LAMA4: variants seen among roughly 807,000 people sequenced by gnomAD.
The protein encoded by LAMA4 is laminin subunit alpha 4.
LAMA4 carries 127 observed loss-of-function variants against 207.1 expected under a neutral mutation model. The observed-to-expected ratio is 0.61, with a 90% CI of 0.53 to 0.71. The LOEUF (loss-of-function observed/expected upper bound fraction) is 0.71. Ranked by LOEUF, LAMA4 falls within the 30% of genes least tolerant of loss-of-function variation. The probability of loss-of-function intolerance (pLI) is 0.00; values close to 1 mark genes in which losing one functional copy is unlikely to be tolerated. For synonymous variants in LAMA4, 761 were observed against 816.0 expected, an observed-to-expected ratio of 0.93 and a Z score of 1.15; for missense variants, 2,093 against 2,246.5, an observed-to-expected ratio of 0.93 and a Z score of 1.38.
intron 8 of LAMA4, among the ~76,000 whole-genome samples, chr6:112,187,141 C>A (rs143348981): frequency 6.6e-6 from 1 of 152,192 alleles, no homozygotes; most frequent in East Asian, 1.9e-4. Flanking sequence ...TGTATGGCTG[C>A]GCCAAGGAAA....
rs1322345288 is a variant in LAMA4 at position 112,140,687 on chromosome 6, T to G, written c.2976+73A>C. The G allele has an allele frequency of 2.1e-6, 3 of 1,417,018 alleles. No homozygotes were observed. In the African/African-American group the frequency reaches 4.3e-5, roughly 20 times the overall value. The allele number at this position is 1,417,018 out of a possible 1,614,324, so 87.8% of individuals were successfully genotyped here. The stretch of plus-strand genomic sequence containing the variant: ...AGTGATATCAGCAACCCCCAAGTCA[T>G]TATAGGTTTATGGATTTATAAAAAC... On this transcript the variant is annotated intron_variant, in intron 22 of 38. Transcript: ENST00000230538.
chr6:112,152,179 G>A (rs1412324179), intron 16 of LAMA4, among the ~76,000 whole-genome samples: 1 of 152,034 alleles, frequency 6.6e-6, no homozygotes. Context: ...AAGTTCCAGA[G>A]TGCTTTCTTG....
intron 4 of LAMA4, 111 bp from the exon 5 acceptor site, chr6:112,201,799 C>T (rs1783763823): frequency 1.1e-6 from 1 of 884,890 alleles, no homozygotes; most frequent in African/African-American, 1.6e-5. Flanking sequence ...CTAATGGGTG[C>T]AATCATTTTC....
At chr6:112,224,924 A>C (rs1583941657) in intron 2 of LAMA4, among the ~76,000 whole-genome samples, 1 of 141,316 alleles carries the variant, frequency 7.1e-6, no homozygotes, top group African/African-American at 2.6e-5. Context: ...TCCCCTGCCT[A>C]CCTTTCTTTC....
intron 2 of LAMA4, among the ~76,000 whole-genome samples, chr6:112,241,191 GAATATATATGAT>G: frequency 8.4e-6 from 1 of 119,372 alleles, no homozygotes; most frequent in Non-Finnish European, 1.9e-5. Flanking sequence ...GAATATATAT[GAATATATATGAT>G]ATATATGAAT....
chr6:112,177,004 G>T lies in LAMA4; in HGVS notation c.1189+1117C>A, dbSNP rs1782061433. ...TATTTTCTCTGAATGGCTTACTAGG[G>T]TCCTGGCATTTGCTGCCTAAAGAGG... On this transcript the variant is annotated intron_variant, in intron 10 of 38. Transcript: ENST00000230538. Among the ~76,000 whole-genome samples, 3 of 152,142 alleles carry T rather than the reference G, an allele frequency of 2.0e-5. No homozygotes were observed. The South Asian group carries it at 6.2e-4, about 31-fold the overall frequency.
chr6:112,147,874 C>T (rs1488409134), intron 18 of LAMA4, among the ~76,000 whole-genome samples: 4 of 152,102 alleles, frequency 2.6e-5, no homozygotes, highest in Non-Finnish European at 4.4e-5. Context: ...ATAAGTCTTA[C>T]GTTGATACAA....
intron 2 of LAMA4, among the ~76,000 whole-genome samples, chr6:112,239,663 T>C (rs1346660816): frequency 6.6e-6 from 1 of 152,202 alleles, no homozygotes; most frequent in African/African-American, 2.4e-5. Flanking sequence ...ATGGTACCTT[T>C]CAGCACTACA....
At chr6:112,213,948 C>T in intron 3 of LAMA4, 1 of 654,360 alleles carries the variant, frequency 1.5e-6, no homozygotes, top group Non-Finnish European at 2.8e-6. Context: ...GACTGAAACA[C>T]TGGTCATGAC....
At chr6:112,253,444 T>G (rs1466780541) in intron 2 of LAMA4, 8 of 353,284 alleles carry the variant, frequency 2.3e-5, no homozygotes, top group Non-Finnish European at 3.8e-5. Context: ...TCAGCAGTTG[T>G]CTAACAGCTC....
chr6:112,236,610 T>G (rs909689333), intron 2 of LAMA4: 10 of 152,212 alleles, frequency 6.6e-5, no homozygotes, highest in Admixed American at 1.3e-4. Context: ...GAAGCTTTCC[T>G]AATTCATTAG....
At chr6:112,129,734 G>A in intron 30 of LAMA4, 142 bp downstream of exon 30, 1 of 700,312 alleles carries the variant, frequency 1.4e-6, no homozygotes, top group Non-Finnish European at 2.3e-6. Context: ...AAGTATGACA[G>A]TTTCTCAAGC....
intron 31 of LAMA4, among the ~76,000 whole-genome samples, chr6:112,127,534 A>C (rs1275977489): frequency 6.6e-6 from 1 of 152,062 alleles, no homozygotes; most frequent in Admixed American, 6.6e-5. Flanking sequence ...GGAGGTGGGC[A>C]AGTAGGAGGA....
At chr6:112,162,472 CA>C (rs1233300820) in intron 13 of LAMA4, among the ~76,000 whole-genome samples, 3 of 149,380 alleles carry the variant, frequency 2.0e-5, no homozygotes, top group East Asian at 2.0e-4. Flanking sequence ...AGCCACGTCT[CA>C]AAAAAAATAA....
chr6:112,128,289 G>A (rs987621607), intron 31 of LAMA4, among the ~76,000 whole-genome samples: 3 of 152,136 alleles, frequency 2.0e-5, no homozygotes, highest in Non-Finnish European at 2.9e-5. Context: ...TGCAACAAAC[G>A]CGGATGAGCC....
At chr6:112,158,994 G>A in intron 13 of LAMA4, 114 bp from the exon 14 acceptor site, 1 of 738,954 alleles carries the variant, frequency 1.4e-6, no homozygotes, top group South Asian at 1.6e-5. Context: ...GTAAATTTCA[G>A]TGCAGGACCA....
At chr6:112,116,019 C>G (rs782250579) in intron 35 of LAMA4, 26 bp from the exon 36 acceptor site, 4 of 1,600,244 alleles carry the variant, frequency 2.5e-6, no homozygotes, top group Non-Finnish European at 3.4e-6. Flanking sequence ...CTATAAACTC[C>G]CAAGAACAGC....
chr6:112,180,440 T>G (rs1294338672), intron 9 of LAMA4, among the ~76,000 whole-genome samples: 1 of 152,218 alleles, frequency 6.6e-6, no homozygotes, highest in African/African-American at 2.4e-5. Context: ...ATGTTTATTT[T>G]TCCTGTAACT....
chr6:112,109,065 T>C lies in LAMA4; in HGVS notation c.*372A>G, dbSNP rs1777557919. ...CAGAGATTTTTATATAGATTGAAAG[T>C]TATCTTCCCTGGAAGAAAGGTGAAT... is the stretch of plus-strand genomic sequence containing the variant. On this transcript the variant is annotated 3_prime_UTR_variant, in exon 39 of 39. Transcript: ENST00000230538. 1 of 275,892 alleles carries C rather than the reference T, an allele frequency of 3.6e-6. No homozygotes were observed. The highest frequency in any genetic ancestry group is 2.2e-5 in the African/African-American group (1 of 45,266). The allele number at this position is 275,892 out of a possible 1,614,324, so 17.1% of individuals were successfully genotyped here.
Sources: allele counts gnomAD v4.1 joint callset (sites outside exome capture counted in the v4.1 genomes callset), GRCh38; gene constraint gnomAD v4.1.1; transcripts MANE v1.5; gene names NCBI Gene and HGNC (gene_info 2026-07-23, HGNC 2026-07-21).